Variants in ATOSA observed in about 807,000 individuals in gnomAD.
ATOSA encodes atos homolog A.
the ATOSA span, among the ~76,000 whole-genome samples, chr15:52,663,481 C>A: frequency 6.6e-6 from 1 of 152,112 alleles, no homozygotes; most frequent in Non-Finnish European, 1.5e-5. Context: ...ATAAATACTA[C>A]TGAATGAAAA....
chr15:52,644,245 A>T, the ATOSA span, among the ~76,000 whole-genome samples: 1 of 152,124 alleles, frequency 6.6e-6, no homozygotes, highest in Non-Finnish European at 1.5e-5. Flanking sequence ...CTTAATTTCT[A>T]TTCTTATGGA....
chr15:52,694,923 T>C, the ATOSA span, among the ~76,000 whole-genome samples: 1 of 152,102 alleles, frequency 6.6e-6, no homozygotes, highest in Non-Finnish European at 1.5e-5. Context: ...TTTTTCTGTT[T>C]TTTTTTGTTT....
At chr15:52,613,881 G>A in the ATOSA span, 2 of 1,600,994 alleles carry the variant, frequency 1.2e-6, no homozygotes, top group Non-Finnish European at 1.7e-6. Context: ...GGGGCAAAGG[G>A]TCCTCAATTT....
chr15:52,683,160 A>G, the ATOSA span, among the ~76,000 whole-genome samples: 1 of 152,212 alleles, frequency 6.6e-6, no homozygotes, highest in East Asian at 1.9e-4. Context: ...ATGTCTTTTT[A>G]AAGAATAATA....
the ATOSA span, among the ~76,000 whole-genome samples, chr15:52,589,977 G>A: frequency 2.0e-5 from 3 of 151,970 alleles, no homozygotes; most frequent in Admixed American, 1.3e-4. Context: ...TAGTAGAGAC[G>A]GGGTTTTACC....
At chr15:52,639,273 GC>G in the ATOSA span, among the ~76,000 whole-genome samples, 8 of 152,060 alleles carry the variant, frequency 5.3e-5, no homozygotes, top group Non-Finnish European at 7.4e-5. Flanking sequence ...TGTATTACAA[GC>G]AAAAAAAACT....
the ATOSA span, among the ~76,000 whole-genome samples, chr15:52,646,613 GA>G: frequency 6.6e-6 from 1 of 152,108 alleles, no homozygotes; most frequent in Non-Finnish European, 1.5e-5. Flanking sequence ...GCACATATGG[GA>G]ACATTTTACC....
the ATOSA span, among the ~76,000 whole-genome samples, chr15:52,651,417 C>T: frequency 6.6e-6 from 1 of 152,196 alleles, no homozygotes; most frequent in Non-Finnish European, 1.5e-5. Flanking sequence ...TAGTTAAATT[C>T]TGACAATCTT....
At chr15:52,606,988 T>C in the ATOSA span, among the ~76,000 whole-genome samples, 1 of 152,100 alleles carries the variant, frequency 6.6e-6, no homozygotes, top group Non-Finnish European at 1.5e-5. Context: ...TGGTAGGAAA[T>C]CAAATGAAAT....
the ATOSA span, chr15:52,657,843 CTA>C: frequency 5.3e-5 from 8 of 152,012 alleles, no homozygotes; most frequent in Non-Finnish European, 1.2e-4. Flanking sequence ...AGAGTTGAGA[CTA>C]TAATTTTCTT....
chr15:52,584,134 G>GA, the ATOSA span, among the ~76,000 whole-genome samples: 2 of 147,860 alleles, frequency 1.4e-5, no homozygotes, highest in Non-Finnish European at 3.0e-5. Flanking sequence ...TGATTTATAT[G>GA]GCTCATATTA....
At chr15:52,686,879 G>A in the ATOSA span, among the ~76,000 whole-genome samples, 19 of 152,180 alleles carry the variant, frequency 1.2e-4, no homozygotes, top group Non-Finnish European at 2.5e-4. Context: ...AGAGAAAAGA[G>A]AACATTAGCC....
the ATOSA span, among the ~76,000 whole-genome samples, chr15:52,638,706 A>G: frequency 6.6e-6 from 1 of 151,502 alleles, no homozygotes; most frequent in African/African-American, 2.4e-5. Context: ...GCCAAAAAAA[A>G]AAAAAAAAAA....
chr15:52,653,342 G>A, the ATOSA span, among the ~76,000 whole-genome samples: 2 of 152,180 alleles, frequency 1.3e-5, no homozygotes, highest in Non-Finnish European at 2.9e-5. Flanking sequence ...TACCCCTGAA[G>A]AAGCTTCTAG....
chr15:52,597,208 CTAT>C, the ATOSA span, among the ~76,000 whole-genome samples: 17 of 7,002 alleles, frequency 2.4e-3, 3 homozygotes, highest in East Asian at 0.25. Context: ...CTATTCTATT[CTAT>C]TCTATTCTAT....
At chr15:52,671,821 C>T in the ATOSA span, among the ~76,000 whole-genome samples, 2 of 150,892 alleles carry the variant, frequency 1.3e-5, no homozygotes, top group African/African-American at 4.9e-5. Flanking sequence ...GAAGGAATTT[C>T]GCATACCAGA....
At chr15:52,679,780 CT>C in the ATOSA span, among the ~76,000 whole-genome samples, 26 of 125,138 alleles carry the variant, frequency 2.1e-4, no homozygotes, top group South Asian at 5.6e-4. Flanking sequence ...CCTCCTCCTC[CT>C]CCTCCTCCTC....
chr15:52,687,212 T>C, the ATOSA span, among the ~76,000 whole-genome samples: 1 of 152,204 alleles, frequency 6.6e-6, no homozygotes, highest in African/African-American at 2.4e-5. Flanking sequence ...GAGACCATCC[T>C]GGCTAACATG....
chr15:52,688,346 T>C, the ATOSA span, among the ~76,000 whole-genome samples: 4 of 152,092 alleles, frequency 2.6e-5, no homozygotes, highest in Non-Finnish European at 5.9e-5. Flanking sequence ...TGATCCAACC[T>C]CAAGATCATG....
Sources: allele counts gnomAD v4.1 joint callset (sites outside exome capture counted in the v4.1 genomes callset), GRCh38; gene constraint gnomAD v4.1.1; transcripts MANE v1.5; gene names NCBI Gene and HGNC (gene_info 2026-07-23, HGNC 2026-07-21).